TCF3: variants seen among roughly 807,000 people sequenced by gnomAD.
TCF3 encodes transcription factor E2-alpha.
In TCF3, 54 loss-of-function variants were observed where a neutral mutation model predicts 72.3. That is an observed-to-expected ratio of 0.75 (90% confidence interval 0.60 to 0.94). The LOEUF is 0.94. Ranked by LOEUF, TCF3 falls within the 40% of genes least tolerant of loss-of-function variation. TCF3 has a pLI of 0.00. For missense variants in TCF3, 1,078 were observed against 934.4 expected (o/e 1.15, Z -2.00); for synonymous variants, 525 against 412.6 (o/e 1.27, Z -3.30).
intron 8 of TCF3, among the ~76,000 whole-genome samples, chr19:1,622,734 C>A (rs1269610611): frequency 6.6e-6 from 1 of 152,162 alleles, no homozygotes; most frequent in Non-Finnish European, 1.5e-5. Context: ...CTCCTATCGA[C>A]CCATCAAAAC....
intron 2 of TCF3, among the ~76,000 whole-genome samples, chr19:1,648,191 G>C (rs549543748): frequency 1.3e-5 from 2 of 152,170 alleles, no homozygotes; most frequent in Admixed American, 6.5e-5. Context: ...CACTTTATAC[G>C]CATCTGGTCC....
chr19:1,631,035 G>A (rs959183341), intron 5 of TCF3, among the ~76,000 whole-genome samples: 11 of 152,184 alleles, frequency 7.2e-5, no homozygotes, highest in African/African-American at 1.7e-4. Flanking sequence ...GCGTCGGTTC[G>A]TTCCCCTGCA....
chr19:1,618,621 C>G (rs1219390009), intron 16 of TCF3, among the ~76,000 whole-genome samples: 1 of 152,094 alleles, frequency 6.6e-6, no homozygotes, highest in Admixed American at 6.5e-5. Context: ...GCGCCCTCTG[C>G]CTGAAACCCT....
intron 14 of TCF3, 31 bp downstream of exon 14, chr19:1,619,749 A>ACGGGT: frequency 1.9e-6 from 1 of 513,042 alleles, no homozygotes; most frequent in Non-Finnish European, 2.7e-6. Context: ...TCTGTCGGGG[A>ACGGGT]AGGGTGGGGT....
At chr19:1,620,488 G>A (rs186503318) in intron 13 of TCF3, among the ~76,000 whole-genome samples, 10 of 152,318 alleles carry the variant, frequency 6.6e-5, no homozygotes, top group Admixed American at 6.5e-4. Flanking sequence ...ATGGCAACAC[G>A]CACACATTCT....
intron 2 of TCF3, among the ~76,000 whole-genome samples, chr19:1,649,394 G>C (rs116334652): frequency 1.3e-5 from 2 of 151,804 alleles, no homozygotes; most frequent in Non-Finnish European, 2.9e-5. Context: ...AGGGTGGTCC[G>C]CTCAGCACTG....
rs115740472 is a variant in TCF3 at position 1,624,667 on chromosome 19, C to A, written c.500-667G>T. Among the ~76,000 whole-genome samples, 452 of 152,310 alleles carry A rather than the reference C, an allele frequency of 3.0e-3. 4 individuals carry two copies. Among genetic ancestry groups the A allele is most frequent in the African/African-American group, 0.01 (431 of 41,556 alleles). ...AGGATAAAATCCGTAACCCGGAAAC[C>A]AGCACTCAGGCGCCTTCCTGATCAC... is the stretch of plus-strand genomic sequence containing the variant. On this transcript the variant is annotated intron_variant, in intron 7 of 18. Transcript: ENST00000262965.
Position 1,615,394 on chromosome 19 carries a change from C to T in TCF3, c.1713G>A (p.Glu571=), listed in dbSNP as rs143212973. ...GGTGCAGTTGGCACATGCGCCCCAG[C>T]TCCTTAAAGGCCTCGTTGATGTCAC... is the stretch of plus-strand genomic sequence containing the variant. The part of the protein sequence containing the change: ...RVRDINEAFK[E]LGRMCQLHLN... Residue 571 remains glutamate (E), a synonymous_variant, in exon 18 of 19, where the codon GAG becomes GAA. Coordinates refer to ENST00000262965, the MANE Select transcript of TCF3 (RefSeq NM_003200.5). The surrounding 1 kb of genome is among the most constrained non-coding windows in gnomAD (Gnocchi z 7.3). 5.0e-3 allele frequency: 8,038 copies of T among 1,614,084 alleles called. 32 individuals carry two copies. The highest frequency in any genetic ancestry group is 6.0e-3 in the Non-Finnish European group (7,085 of 1,179,994).
intron 3 of TCF3, among the ~76,000 whole-genome samples, chr19:1,637,443 G>C (rs1377997561): frequency 2.6e-5 from 4 of 152,208 alleles, no homozygotes; most frequent in Non-Finnish European, 5.9e-5. Context: ...CCCGAGAGTG[G>C]GCATCGAGCA....
At chr19:1,613,124 G>C (rs1310565790) in intron 18 of TCF3, among the ~76,000 whole-genome samples, 7 of 152,088 alleles carry the variant, frequency 4.6e-5, no homozygotes, top group Non-Finnish European at 1.0e-4. Flanking sequence ...GGCTGGTGTT[G>C]GTGTGGGCAG....
rs779286330 is a variant in TCF3 at position 1,627,445 on chromosome 19, G to A, written c.299-19C>T. 4 of 1,611,194 alleles carry A rather than the reference G, an allele frequency of 2.5e-6. No homozygotes were observed. The highest frequency in any genetic ancestry group is 3.4e-6 in the Non-Finnish European group (4 of 1,179,282). On this transcript the variant is annotated intron_variant, in intron 5 of 18. Coordinates refer to ENST00000262965, the MANE Select transcript of TCF3 (RefSeq NM_003200.5). ...CTCTTGCCTGCAAGGGGAGAAGGAAGGTTAGTGGGAGGCGACCCCAAGGAA... is the reference window on the plus strand; with the variant it reads ...CTCTTGCCTGCAAGGGGAGAAGGAAAGTTAGTGGGAGGCGACCCCAAGGAA...
chr19:1,648,462 G>C (rs2066473268), intron 2 of TCF3, among the ~76,000 whole-genome samples: 1 of 152,304 alleles, frequency 6.6e-6, no homozygotes, highest in Middle Eastern at 3.4e-3. Flanking sequence ...TTGAGGTGAG[G>C]AGTCAGGTCC....
chr19:1,627,377 G>A lies in TCF3; in HGVS notation c.348C>T (p.Gly116=), dbSNP rs373074854. The change falls in exon 6 of 19, where the codon GGC becomes GGT. Residue 116 remains glycine (G), a synonymous_variant. Coordinates refer to ENST00000262965, the MANE Select transcript of TCF3 (RefSeq NM_003200.5). ...CCCTCACCTGAGTCAGGCCGCCCAC[G>A]CCTGCGTCTCTCCCGAAGGAGGCAT... ...GAYASFGRDA[G]VGGLTQAGFL... 91 of 1,611,132 alleles carry A rather than the reference G, an allele frequency of 5.6e-5. No homozygotes were observed. Among genetic ancestry groups the A allele is most frequent in the African/African-American group, 1.3e-4 (10 of 75,036 alleles).
At chr19:1,616,909 C>A (rs551445273) in intron 16 of TCF3, among the ~76,000 whole-genome samples, 3 of 152,282 alleles carry the variant, frequency 2.0e-5, no homozygotes, top group African/African-American at 7.2e-5. Flanking sequence ...ATGTAGCCAA[C>A]CAGGAGGTGA....
At chr19:1,634,316 C>T (rs1241177852) in intron 3 of TCF3, among the ~76,000 whole-genome samples, 1 of 152,254 alleles carries the variant, frequency 6.6e-6, no homozygotes, top group Non-Finnish European at 1.5e-5. Flanking sequence ...GAATAAGACA[C>T]TGCTGTCAGA....
At position 1,619,230 on chromosome 19, in the gene TCF3, C is replaced by A. The variant is rs1301050577; in HGVS notation, c.1331G>T (p.Gly444Val). 1 of 1,594,568 alleles carries A rather than the reference C, an allele frequency of 6.3e-7. No homozygotes were observed. Among genetic ancestry groups the A allele is most frequent in the East Asian group, 2.2e-5 (1 of 44,828 alleles). ...SLGGRHAGLV[G>V]GSHPEDGLAG... ...GAGGCCGTCCTCGGGGTGGCTGCCT[C>A]CAACCTGCAGGCGTGGGGAGACGGG... Residue 444 changes from glycine (G) to valine (V), a missense_variant, in exon 16 of 19, where the codon GGA becomes GTA. Physicochemically the swap from Gly to Val is moderately radical, Grantham distance 109 (BLOSUM62 -3). Coordinates refer to ENST00000262965, the MANE Select transcript of TCF3 (RefSeq NM_003200.5).
At chr19:1,623,371 G>GCAGGGAGCCCCAATTGCA (rs1166688767) in intron 8 of TCF3, among the ~76,000 whole-genome samples, 2 of 151,162 alleles carry the variant, frequency 1.3e-5, no homozygotes, top group African/African-American at 4.9e-5. Flanking sequence ...CCCCAATTGC[G>GCAGGGAGCCCCAATTGCA]GCACCCCCCG....
intron 5 of TCF3, among the ~76,000 whole-genome samples, chr19:1,631,322 G>A (rs1454059917): frequency 6.6e-6 from 1 of 151,898 alleles, no homozygotes; most frequent in Non-Finnish European, 1.5e-5. Context: ...AGGCTGGAGG[G>A]CAATGGCGTG....
intron 3 of TCF3, among the ~76,000 whole-genome samples, chr19:1,642,282 A>G (rs1449793718): frequency 7.2e-6 from 1 of 138,476 alleles, no homozygotes; most frequent in Non-Finnish European, 1.6e-5. Flanking sequence ...ACACGCACAG[A>G]CGCGCACACG....
Sources: allele counts gnomAD v4.1 joint callset (sites outside exome capture counted in the v4.1 genomes callset), GRCh38; gene constraint gnomAD v4.1.1; non-coding constraint Gnocchi (gnomAD v3.1); transcripts MANE v1.5; gene names NCBI Gene and HGNC (gene_info 2026-07-23, HGNC 2026-07-21).